Variants in GRIN2A observed in about 807,000 individuals in gnomAD.
GRIN2A encodes glutamate receptor ionotropic, NMDA 2A.
GRIN2A carries 22 observed loss-of-function variants against 113.4 expected under a neutral mutation model. That is an observed-to-expected ratio of 0.19 (90% CI 0.14 to 0.28). The LOEUF is 0.28. Among genes scored for constraint, GRIN2A ranks in the 10% least tolerant of loss-of-function variants. The pLI is 1.00. For missense variants in GRIN2A, 1,502 were observed against 1,887.0 expected, an observed-to-expected ratio of 0.80 and a Z score of 3.78; for synonymous variants, 827 against 738.4, an observed-to-expected ratio of 1.12 and a Z score of -1.94.
chr16:10,091,452 G>A (rs2048181713), intron 2 of GRIN2A, among the ~76,000 whole-genome samples: 1 of 108,842 alleles, frequency 9.2e-6, no homozygotes, highest in Non-Finnish European at 1.9e-5. Context: ...ATGTATGTGT[G>A]TGTATACACA....
chr16:9,914,696 G>A (rs1327162341), intron 3 of GRIN2A, among the ~76,000 whole-genome samples: 3 of 152,180 alleles, frequency 2.0e-5, no homozygotes, highest in South Asian at 2.1e-4. Flanking sequence ...TGAGGAAGAC[G>A]ACAGTGAATT....
chr16:9,790,021 T>G (rs1312332285), intron 11 of GRIN2A, among the ~76,000 whole-genome samples: 4 of 152,236 alleles, frequency 2.6e-5, no homozygotes, highest in Non-Finnish European at 5.9e-5. Context: ...GCATGCAGTC[T>G]TGCCTGAAAT....
Position 10,179,726 on chromosome 16 carries a change from C to A in GRIN2A, c.414+272G>T, listed in dbSNP as rs2050220378. 9.5e-6 allele frequency: 5 copies of A among 524,818 alleles called. No individual in the cohort carries two copies. In the South Asian group the frequency reaches 1.0e-4, roughly 11 times the overall value. 32.5% of individuals were successfully genotyped at this position (524,818 alleles called of 1,614,324 possible). A position where few individuals can be genotyped will look rare whatever the true frequency, so the allele number is the denominator to read the frequency against. On this transcript the variant is annotated intron_variant, in intron 2 of 12. Coordinates refer to ENST00000330684, the MANE Select transcript of GRIN2A (RefSeq NM_001134407.3). ...ACCGCCACCACCACCACCCCACAGC[C>A]TACTTCTCAGTTTTCTGAGCGCTTC...
chr16:10,034,891 T>C (rs564448516), intron 2 of GRIN2A, among the ~76,000 whole-genome samples: 35 of 152,232 alleles, frequency 2.3e-4, no homozygotes, highest in Non-Finnish European at 3.2e-4. Flanking sequence ...ATATCACACA[T>C]ATACCCAAAT....
intron 1 of GRIN2A, among the ~76,000 whole-genome samples, chr16:10,181,347 G>C (rs1264878080): frequency 6.6e-6 from 1 of 152,212 alleles, no homozygotes; most frequent in African/African-American, 2.4e-5. Flanking sequence ...GGAAAGGTAG[G>C]CTCCCAAGAA....
intron 4 of GRIN2A, among the ~76,000 whole-genome samples, chr16:9,860,791 C>T (rs1596508871): frequency 6.6e-6 from 1 of 151,992 alleles, no homozygotes; most frequent in South Asian, 2.1e-4. Context: ...GGAATGAGGG[C>T]CCAGTTTGCC....
chr16:9,863,526 G>C (rs1485783020), intron 4 of GRIN2A, among the ~76,000 whole-genome samples: 1 of 152,220 alleles, frequency 6.6e-6, no homozygotes, highest in Admixed American at 6.5e-5. Flanking sequence ...TTGCAGGCTT[G>C]ATGTTGAATT....
At chr16:9,889,932 C>T (rs983363032) in intron 4 of GRIN2A, among the ~76,000 whole-genome samples, 2 of 152,122 alleles carry the variant, frequency 1.3e-5, no homozygotes, top group Non-Finnish European at 2.9e-5. Context: ...TTTATAGTTG[C>T]TGGGTGTAGG....
intron 2 of GRIN2A, among the ~76,000 whole-genome samples, chr16:10,117,089 A>T (rs1203847734): frequency 6.6e-6 from 1 of 151,180 alleles, no homozygotes; most frequent in Non-Finnish European, 1.5e-5. Flanking sequence ...AGCTAAGCTT[A>T]CTCCATGCAC....
chr16:9,951,178 T>C (rs756056209), intron 2 of GRIN2A, among the ~76,000 whole-genome samples: 1 of 152,148 alleles, frequency 6.6e-6, no homozygotes, highest in Non-Finnish European at 1.5e-5. Context: ...AAGCAATGCA[T>C]CCACAGCAGA....
intron 2 of GRIN2A, among the ~76,000 whole-genome samples, chr16:10,076,578 G>T (rs2142044331): frequency 6.6e-6 from 1 of 152,154 alleles, no homozygotes; most frequent in East Asian, 1.9e-4. Flanking sequence ...AACTCAAACT[G>T]TATTCTTGTC....
chr16:10,152,863 A>G (rs879160636), intron 2 of GRIN2A, among the ~76,000 whole-genome samples: 1 of 152,232 alleles, frequency 6.6e-6, no homozygotes, highest in Admixed American at 6.5e-5. Flanking sequence ...TATGATTCCA[A>G]CTATATGACA....
At chr16:10,121,072 A>G (rs2142180513) in intron 2 of GRIN2A, among the ~76,000 whole-genome samples, 1 of 152,296 alleles carries the variant, frequency 6.6e-6, no homozygotes, top group East Asian at 1.9e-4. Flanking sequence ...AGGACTGGAT[A>G]TACTTTCATC....
chr16:10,146,236 G>A (rs1325371916), intron 2 of GRIN2A, among the ~76,000 whole-genome samples: 1 of 152,140 alleles, frequency 6.6e-6, no homozygotes, highest in Non-Finnish European at 1.5e-5. Context: ...TCCTGCCTCA[G>A]CCTCCTGAGT....
chr16:10,088,095 C>T (rs567340754), intron 2 of GRIN2A, among the ~76,000 whole-genome samples: 2 of 152,168 alleles, frequency 1.3e-5, no homozygotes, highest in African/African-American at 4.8e-5. Context: ...TTGTTGAAAG[C>T]TTTTGTTGTT....
chr16:9,947,798 A>G (rs1455820610), intron 2 of GRIN2A, among the ~76,000 whole-genome samples: 3 of 152,024 alleles, frequency 2.0e-5, no homozygotes, highest in African/African-American at 7.2e-5. Context: ...TTTTTTTTAA[A>G]TGGAGGGAAT....
intron 2 of GRIN2A, among the ~76,000 whole-genome samples, chr16:9,957,337 G>C (rs1420885310): frequency 6.6e-6 from 1 of 152,150 alleles, no homozygotes; most frequent in Non-Finnish European, 1.5e-5. Flanking sequence ...TCCAAACACA[G>C]GGCTGCTCTC....
chr16:10,085,916 C>T (rs2048077696), intron 2 of GRIN2A, among the ~76,000 whole-genome samples: 1 of 152,136 alleles, frequency 6.6e-6, no homozygotes, highest in Non-Finnish European at 1.5e-5. Context: ...AGTTTATGCG[C>T]TTAACCACAA....
At chr16:10,169,268 C>T (rs530566340) in intron 2 of GRIN2A, among the ~76,000 whole-genome samples, 3 of 152,146 alleles carry the variant, frequency 2.0e-5, no homozygotes, top group Non-Finnish European at 2.9e-5. Flanking sequence ...TATCACTCCT[C>T]GGAACTAAGT....
Sources: allele counts gnomAD v4.1 joint callset (sites outside exome capture counted in the v4.1 genomes callset), GRCh38; gene constraint gnomAD v4.1.1; transcripts MANE v1.5; gene names NCBI Gene and HGNC (gene_info 2026-07-23, HGNC 2026-07-21).